The following AGBL1 variants were observed in gnomAD, a reference collection of about 807,000 sequenced individuals.
The protein encoded by AGBL1 is cytosolic carboxypeptidase 4.
A neutral mutation model predicts 118.9 loss-of-function variants in AGBL1; 130 were observed. That is an observed-to-expected ratio of 1.09 (90% CI 0.95 to 1.26). The LOEUF is 1.26. AGBL1 is among the 50% of genes most tolerant of loss of function. The pLI is 0.00. For synonymous variants in AGBL1, 555 were observed against 478.9 expected (o/e 1.16, Z -2.08); for missense variants, 1,584 against 1,298.1 (o/e 1.22, Z -3.38).
At chr15:86,852,005 C>T (rs957452994) in intron 22 of AGBL1, among the ~76,000 whole-genome samples, 1 of 152,128 alleles carries the variant, frequency 6.6e-6, no homozygotes, top group Non-Finnish European at 1.5e-5. Context: ...GCAGCTACTG[C>T]AGGGGAACTA....
At chr15:86,548,827 G>A (rs2083624536) in intron 20 of AGBL1, among the ~76,000 whole-genome samples, 1 of 151,972 alleles carries the variant, frequency 6.6e-6, no homozygotes, top group Admixed American at 6.6e-5. Flanking sequence ...AAAGAAAAGA[G>A]GTTTAATTGG....
chr15:86,485,037 G>T (rs979308554), intron 18 of AGBL1, among the ~76,000 whole-genome samples: 1 of 152,112 alleles, frequency 6.6e-6, no homozygotes, highest in Non-Finnish European at 1.5e-5. Context: ...AGAACTCCTT[G>T]CAGAGAGAAG....
chr15:86,572,140 G>A (rs2084018675), intron 21 of AGBL1, among the ~76,000 whole-genome samples: 1 of 152,198 alleles, frequency 6.6e-6, no homozygotes, highest in Non-Finnish European at 1.5e-5. Context: ...GTTGACAGCG[G>A]GGAGAAGGCA....
chr15:86,232,123 T>C (rs573138623), intron 6 of AGBL1, among the ~76,000 whole-genome samples: 5 of 152,314 alleles, frequency 3.3e-5, no homozygotes, highest in African/African-American at 1.2e-4. Flanking sequence ...ACTTGGCACA[T>C]GGCTTTTTTT....
intron 22 of AGBL1, among the ~76,000 whole-genome samples, chr15:86,904,745 T>TATATATATATATATATATA (rs1312269188): frequency 6.6e-6 from 1 of 150,706 alleles, no homozygotes; most frequent in East Asian, 1.9e-4. Flanking sequence ...GACATGATAA[T>TATATATATATATATATATA]TGTGGTATAA....
At chr15:86,854,549 C>A (rs1392487565) in intron 22 of AGBL1, among the ~76,000 whole-genome samples, 1 of 152,160 alleles carries the variant, frequency 6.6e-6, no homozygotes, top group Non-Finnish European at 1.5e-5. Context: ...CAATTTGGAG[C>A]CAGTGTTACA....
At chr15:86,363,631 T>G (rs1198535450) in intron 17 of AGBL1, among the ~76,000 whole-genome samples, 1 of 152,180 alleles carries the variant, frequency 6.6e-6, no homozygotes, top group African/African-American at 2.4e-5. Context: ...TTTTCTTCTT[T>G]CTCTGTATCT....
intron 21 of AGBL1, among the ~76,000 whole-genome samples, chr15:86,569,827 A>T (rs1201734993): frequency 1.3e-5 from 2 of 152,226 alleles, no homozygotes; most frequent in East Asian, 3.8e-4. Context: ...TGTTCCTTCT[A>T]TGAAAAATAA....
At chr15:86,901,691 T>G (rs377563361) in intron 22 of AGBL1, among the ~76,000 whole-genome samples, 1 of 152,150 alleles carries the variant, frequency 6.6e-6, no homozygotes, top group Non-Finnish European at 1.5e-5. Context: ...TTTCAAAAAT[T>G]TTTAATAATT....
At position 86,556,671 on chromosome 15, in the gene AGBL1, A is replaced by G. The variant is rs994244404; in HGVS notation, c.2994+2134A>G. Among the ~76,000 whole-genome samples, 53 of 152,204 alleles carry G rather than the reference A, an allele frequency of 3.5e-4. 1 individual carries two copies. Among genetic ancestry groups the G allele is most frequent in the African/African-American group, 1.2e-3 (51 of 41,448 alleles). On this transcript the variant is annotated intron_variant, in intron 21 of 22. Transcript: ENST00000614907. ...GCTACAAAGCAGTATAGAAATTTCC[A>G]TCCTGAACATATTGCAAATGCTTTT... is the stretch of plus-strand genomic sequence containing the variant.
Position 86,885,075 on chromosome 15 carries a change from TTATAA to T in AGBL1, c.3159-22007_3159-22003del, listed in dbSNP as rs755688369. Reference sequence around the variant, plus strand: ...ACATTTAAAAAGCTTTTGAAATAAATTATAATATATAACCTAGTTTAATTATATAT... The same window carrying T: ...ACATTTAAAAAGCTTTTGAAATAAATTATATAACCTAGTTTAATTATATAT... On this transcript the variant is annotated intron_variant, in intron 22 of 22. Coordinates refer to ENST00000614907, the MANE Select transcript of AGBL1 (RefSeq NM_001386094.1). Among the ~76,000 whole-genome samples, 150 of 151,798 alleles carry T rather than the reference TTATAA, an allele frequency of 9.9e-4. 1 individual carries two copies. The highest frequency in any genetic ancestry group is 3.4e-3 in the African/African-American group (141 of 41,366).
intron 22 of AGBL1, among the ~76,000 whole-genome samples, chr15:86,738,007 GTGATA>G (rs910049086): frequency 1.3e-5 from 2 of 152,034 alleles, no homozygotes; most frequent in African/African-American, 4.8e-5. Context: ...ATAAATAAAT[GTGATA>G]TATCACATCA....
intron 22 of AGBL1, among the ~76,000 whole-genome samples, chr15:86,695,367 T>C (rs2086238655): frequency 6.6e-6 from 1 of 152,068 alleles, no homozygotes; most frequent in Admixed American, 6.6e-5. Flanking sequence ...CTAGGTTTTT[T>C]AGTTTATGTG....
chr15:86,269,904 G>A lies in AGBL1; in HGVS notation c.1839-15G>A. The A allele has an allele frequency of 6.2e-7, 1 of 1,612,606 alleles. No homozygotes were observed. The highest frequency in any genetic ancestry group is 1.1e-5 in the South Asian group (1 of 90,860). ...ACTTTCCAGATAACCCTCCAGTCTT[G>A]CTTCTGATCTGCAGGTTCGAGTATG... is the stretch of plus-strand genomic sequence containing the variant. On this transcript the variant is annotated splice_polypyrimidine_tract_variant and intron_variant, in intron 13 of 22. Transcript: ENST00000614907.
chr15:86,882,513 T>A (rs1230630509), intron 22 of AGBL1, among the ~76,000 whole-genome samples: 1 of 152,174 alleles, frequency 6.6e-6, no homozygotes, highest in African/African-American at 2.4e-5. Flanking sequence ...CTTAGATAAA[T>A]CACTCACCTT....
intron 21 of AGBL1, among the ~76,000 whole-genome samples, chr15:86,651,010 T>A (rs2085360318): frequency 6.6e-6 from 1 of 152,206 alleles, no homozygotes; most frequent in Non-Finnish European, 1.5e-5. Context: ...TTGGCTTTCA[T>A]CTGAGAAGGA....
intron 22 of AGBL1, among the ~76,000 whole-genome samples, chr15:86,846,104 C>A (rs1029868256): frequency 1.3e-5 from 2 of 152,144 alleles, no homozygotes; most frequent in Non-Finnish European, 2.9e-5. Context: ...CTTAGATTTT[C>A]TTTTCCTTTT....
chr15:86,591,807 C>T (rs188317100), intron 21 of AGBL1, among the ~76,000 whole-genome samples: 1 of 152,238 alleles, frequency 6.6e-6, no homozygotes, highest in African/African-American at 2.4e-5. Context: ...AGCCCCTCTC[C>T]TCTCCCTAAA....
Position 86,142,563 on chromosome 15 carries a change from T to A in AGBL1, c.115+496T>A, listed in dbSNP as rs374074170. On this transcript the variant is annotated intron_variant, in intron 2 of 22. Coordinates refer to ENST00000614907, the MANE Select transcript of AGBL1 (RefSeq NM_001386094.1). ...ACTGAGATTTTTGAACATTCCAACA[T>A]TCACTCAATTTGCATTTTTATGTAT... 3.9e-5 allele frequency among the ~76,000 whole-genome samples: 6 copies of A among 152,324 alleles called. No individual in the cohort carries two copies. In the East Asian group the frequency reaches 5.8e-4, roughly 15 times the overall value.
Sources: allele counts gnomAD v4.1 joint callset (sites outside exome capture counted in the v4.1 genomes callset), GRCh38; gene constraint gnomAD v4.1.1; transcripts MANE v1.5; gene names NCBI Gene and HGNC (gene_info 2026-07-23, HGNC 2026-07-21).